Variants in NBEA observed in about 807,000 individuals in gnomAD.
NBEA encodes the protein neurobeachin, also known as lysosomal-trafficking regulator 2.
Under a neutral mutation model 343.4 loss-of-function variants are expected in NBEA, and 44 were observed. That is an observed-to-expected ratio of 0.13 (90% CI 0.10 to 0.16). The LOEUF is 0.16. NBEA is among the 10% of genes least tolerant of loss of function. NBEA has a pLI of 1.00. For synonymous variants in NBEA, 1,175 were observed against 1,238.7 expected, an observed-to-expected ratio of 0.95 and a Z score of 1.08; for missense variants, 2,555 against 3,631.3, an observed-to-expected ratio of 0.70 and a Z score of 7.62.
intron 41 of NBEA, among the ~76,000 whole-genome samples, chr13:35,530,219 A>G (rs982342339): frequency 1.3e-5 from 2 of 152,212 alleles, no homozygotes; most frequent in Non-Finnish European, 2.9e-5. Flanking sequence ...ATTGTTTCCA[A>G]TCCTAATTTT....
At chr13:35,360,493 A>G (rs931880694) in intron 38 of NBEA, among the ~76,000 whole-genome samples, 1 of 152,042 alleles carries the variant, frequency 6.6e-6, no homozygotes, top group African/African-American at 2.4e-5. Context: ...ATACAAAGGA[A>G]AATCTCACCG....
chr13:35,239,650 A>G (rs1435765940), intron 34 of NBEA, among the ~76,000 whole-genome samples: 1 of 152,108 alleles, frequency 6.6e-6, no homozygotes. Flanking sequence ...ACTTATGCAT[A>G]CATATGCATG....
At chr13:34,999,739 A>T (rs2061061914) in intron 1 of NBEA, among the ~76,000 whole-genome samples, 1 of 152,090 alleles carries the variant, frequency 6.6e-6, no homozygotes, top group Non-Finnish European at 1.5e-5. Flanking sequence ...CAACCTTATG[A>T]GGTAGACACT....
At chr13:35,659,025 C>G (rs1374852051) in intron 55 of NBEA, among the ~76,000 whole-genome samples, 3 of 152,204 alleles carry the variant, frequency 2.0e-5, no homozygotes, top group Non-Finnish European at 4.4e-5. Flanking sequence ...GTTTAATCTA[C>G]TCTAGCTTCC....
chr13:35,070,628 T>C, intron 9 of NBEA, 91 bp from the exon 10 acceptor site: 2 of 1,176,206 alleles, frequency 1.7e-6, no homozygotes, highest in East Asian at 2.6e-5. Flanking sequence ...AAGTATGTTA[T>C]TTAATTCTAT....
intron 1 of NBEA, among the ~76,000 whole-genome samples, chr13:35,033,668 C>T (rs1439405945): frequency 6.6e-6 from 1 of 151,730 alleles, no homozygotes; most frequent in Non-Finnish European, 1.5e-5. Flanking sequence ...TGGGTGTCCT[C>T]TTCAATTTAT....
At chr13:35,057,343 C>T (rs1481614858) in intron 7 of NBEA, among the ~76,000 whole-genome samples, 4 of 152,140 alleles carry the variant, frequency 2.6e-5, no homozygotes. Context: ...GGGCAGACTA[C>T]ACCCTATGAG....
In NBEA at chr13:35,316,760, TC is replaced by T. The variant is rs539635231; in HGVS notation, c.5903+7170del. On this transcript the variant is annotated intron_variant, in intron 36 of 58. Transcript: ENST00000379939. Reference sequence around the variant, plus strand: ...AGCGTTCCTATTTCTCCATATCCTCTCCAGGATCTGTTGTTTCCTGACTTTT... The same window carrying T: ...AGCGTTCCTATTTCTCCATATCCTCTCAGGATCTGTTGTTTCCTGACTTTT... Among the ~76,000 whole-genome samples, 307 of 152,262 alleles carry T rather than the reference TC, an allele frequency of 2.0e-3. 2 individuals carry two copies. Among genetic ancestry groups the T allele is most frequent in the African/African-American group, 7.2e-3 (299 of 41,560 alleles).
intron 17 of NBEA, among the ~76,000 whole-genome samples, chr13:35,141,241 A>G (rs1432823819): frequency 1.3e-5 from 2 of 152,030 alleles, no homozygotes; most frequent in Admixed American, 6.6e-5. Flanking sequence ...GGGAGAGAAG[A>G]TGATCCAGAT....
At chr13:35,434,055 A>C (rs998626151) in intron 39 of NBEA, among the ~76,000 whole-genome samples, 1 of 152,122 alleles carries the variant, frequency 6.6e-6, no homozygotes, top group African/African-American at 2.4e-5. Flanking sequence ...ATTATATTAC[A>C]TTCCACAATC....
At chr13:35,241,352 A>G (rs1332675994) in intron 34 of NBEA, among the ~76,000 whole-genome samples, 3 of 151,846 alleles carry the variant, frequency 2.0e-5, no homozygotes, top group African/African-American at 7.2e-5. Flanking sequence ...ATCTAGATCA[A>G]TTGGATTCCC....
At chr13:35,124,848 A>G (rs920790473) in intron 17 of NBEA, among the ~76,000 whole-genome samples, 5 of 151,916 alleles carry the variant, frequency 3.3e-5, no homozygotes, top group African/African-American at 1.2e-4. Context: ...GGTATATGGA[A>G]CTGTAAGTAC....
intron 46 of NBEA, 36 bp downstream of exon 46, chr13:35,584,074 C>G (rs756231061): frequency 6.3e-7 from 1 of 1,590,092 alleles, no homozygotes; most frequent in Non-Finnish European, 8.6e-7. Flanking sequence ...GCCTTTGGTA[C>G]CTTAAAATTT....
intron 1 of NBEA, among the ~76,000 whole-genome samples, chr13:35,032,000 A>G (rs1051475238): frequency 6.6e-6 from 1 of 151,782 alleles, no homozygotes; most frequent in Non-Finnish European, 1.5e-5. Context: ...TTATGGCTGC[A>G]TAGTATTCCA....
chr13:35,141,690 A>G (rs547038678), intron 17 of NBEA, among the ~76,000 whole-genome samples: 3 of 152,326 alleles, frequency 2.0e-5, no homozygotes, highest in South Asian at 2.1e-4. Flanking sequence ...GGAGGGACAC[A>G]ATTAAATCAG....
intron 38 of NBEA, among the ~76,000 whole-genome samples, chr13:35,401,597 A>G (rs1000758728): frequency 1.3e-5 from 2 of 152,006 alleles, no homozygotes; most frequent in African/African-American, 4.8e-5. Context: ...CTGTTGCTCT[A>G]TCTTAAGACA....
At chr13:35,624,055 GGTGT>G (rs10561419) in intron 48 of NBEA, among the ~76,000 whole-genome samples, 29,524 of 147,398 alleles carry the variant, frequency 0.2, 3,100 homozygotes, top group Non-Finnish European at 0.24. Flanking sequence ...TGTGTGTGTG[GGTGT>G]GTGTGTGTGT....
intron 34 of NBEA, among the ~76,000 whole-genome samples, chr13:35,233,875 AG>A (rs2075098373): frequency 6.6e-6 from 1 of 152,182 alleles, no homozygotes; most frequent in Non-Finnish European, 1.5e-5. Context: ...TGACAAGGTT[AG>A]GCTGAAGTTT....
chr13:35,372,713 A>T (rs760818879), intron 38 of NBEA, among the ~76,000 whole-genome samples: 3 of 151,928 alleles, frequency 2.0e-5, no homozygotes, highest in Non-Finnish European at 4.4e-5. Context: ...GCACACATAA[A>T]AATGTGCAGT....
Sources: allele counts gnomAD v4.1 joint callset (sites outside exome capture counted in the v4.1 genomes callset), GRCh38; gene constraint gnomAD v4.1.1; transcripts MANE v1.5; gene names NCBI Gene and HGNC (gene_info 2026-07-23, HGNC 2026-07-21).